Variants in NRXN3 observed in about 807,000 individuals in gnomAD.
NRXN3 encodes the protein neurexin III.
In NRXN3, 32 loss-of-function variants were observed where a neutral mutation model predicts 137.6. That is an observed-to-expected ratio of 0.23 (90% CI 0.18 to 0.31). NRXN3 has a LOEUF of 0.31. Among genes scored for constraint, NRXN3 ranks in the 10% least tolerant of loss-of-function variants. NRXN3 has a pLI of 1.00. For missense variants in NRXN3, 1,574 were observed against 2,062.5 expected (o/e 0.76, Z 4.59); for synonymous variants, 798 against 784.5 (o/e 1.02, Z -0.29).
At chr14:78,430,114 T>C (rs2153686358) in intron 4 of NRXN3, among the ~76,000 whole-genome samples, 1 of 152,262 alleles carries the variant, frequency 6.6e-6, no homozygotes, top group East Asian at 1.9e-4. Context: ...GTTGCACGTC[T>C]ACAGTCCCAG....
At chr14:78,739,867 G>A (rs2098556942) in intron 8 of NRXN3, among the ~76,000 whole-genome samples, 1 of 152,124 alleles carries the variant, frequency 6.6e-6, no homozygotes, top group African/African-American at 2.4e-5. Context: ...CTGTGGGTGT[G>A]GTAGGGGCCT....
intron 16 of NRXN3, among the ~76,000 whole-genome samples, chr14:79,529,171 A>G (rs1171113605): frequency 6.6e-6 from 1 of 152,128 alleles, no homozygotes; most frequent in African/African-American, 2.4e-5. Flanking sequence ...GTCCCTTTTA[A>G]TGGCTCACAA....
intron 10 of NRXN3, among the ~76,000 whole-genome samples, chr14:78,954,191 T>C (rs1567808046): frequency 6.6e-6 from 1 of 152,218 alleles, no homozygotes; most frequent in Non-Finnish European, 1.5e-5. Flanking sequence ...GATTTCCCGC[T>C]GAGTGTAAAC....
At chr14:78,838,657 A>G (rs1336497646) in intron 10 of NRXN3, among the ~76,000 whole-genome samples, 1 of 152,218 alleles carries the variant, frequency 6.6e-6, no homozygotes, top group African/African-American at 2.4e-5. Flanking sequence ...AATCTCCATT[A>G]GGATCACATT....
intron 16 of NRXN3, among the ~76,000 whole-genome samples, chr14:79,540,025 G>A (rs2097256904): frequency 6.6e-6 from 1 of 152,108 alleles, no homozygotes; most frequent in Non-Finnish European, 1.5e-5. Flanking sequence ...GAGAAGGAGA[G>A]GGAAAAAATT....
chr14:79,180,411 A>T (rs185537597), intron 15 of NRXN3, among the ~76,000 whole-genome samples: 85 of 152,348 alleles, frequency 5.6e-4, no homozygotes, highest in South Asian at 1.7e-3. Context: ...AAGTATTAGT[A>T]GGAAATATCT....
intron 6 of NRXN3, among the ~76,000 whole-genome samples, chr14:78,681,862 T>G (rs1030376858): frequency 1.3e-5 from 2 of 152,066 alleles, no homozygotes; most frequent in African/African-American, 4.8e-5. Flanking sequence ...TCGGTTTTGT[T>G]TTTTTTGTTG....
intron 4 of NRXN3, among the ~76,000 whole-genome samples, chr14:78,424,172 C>T (rs1327599816): frequency 3.3e-5 from 5 of 152,188 alleles, no homozygotes; most frequent in African/African-American, 4.8e-5. Context: ...ATTTTATCTC[C>T]TACGTTTTTG....
intron 19 of NRXN3, among the ~76,000 whole-genome samples, chr14:79,750,792 T>A (rs1327665399): frequency 6.6e-6 from 1 of 152,144 alleles, no homozygotes; most frequent in Non-Finnish European, 1.5e-5. Flanking sequence ...TTTGACTTTG[T>A]CATTGATACT....
At chr14:79,127,558 A>G (rs954593282) in intron 15 of NRXN3, among the ~76,000 whole-genome samples, 21 of 152,196 alleles carry the variant, frequency 1.4e-4, no homozygotes, top group African/African-American at 4.3e-4. Context: ...TACCAGTACC[A>G]TGCTGTTTTG....
intron 10 of NRXN3, among the ~76,000 whole-genome samples, chr14:78,885,082 G>A (rs1380570973): frequency 1.3e-5 from 2 of 150,582 alleles, no homozygotes; most frequent in East Asian, 3.9e-4. Flanking sequence ...AAAATATAAT[G>A]CAGTGAGTTT....
At chr14:79,381,707 TAAAC>T (rs1388733459) in intron 15 of NRXN3, among the ~76,000 whole-genome samples, 2 of 152,164 alleles carry the variant, frequency 1.3e-5, no homozygotes, top group Non-Finnish European at 2.9e-5. Context: ...AACATCCAGA[TAAAC>T]AAATAATCAC....
intron 20 of NRXN3, among the ~76,000 whole-genome samples, chr14:79,847,249 C>G (rs368153818): frequency 3.3e-5 from 5 of 152,316 alleles, no homozygotes; most frequent in South Asian, 4.1e-4. Flanking sequence ...CAATCTCCAT[C>G]TCCACACCCT....
At chr14:79,036,407 T>G (rs2099616061) in intron 15 of NRXN3, among the ~76,000 whole-genome samples, 1 of 151,958 alleles carries the variant, frequency 6.6e-6, no homozygotes, top group Non-Finnish European at 1.5e-5. Context: ...TATGTAGACT[T>G]GCGTGAGGGG....
At chr14:78,393,282 C>A (rs564943355) in intron 4 of NRXN3, among the ~76,000 whole-genome samples, 11 of 151,906 alleles carry the variant, frequency 7.2e-5, no homozygotes, top group African/African-American at 2.4e-4. Flanking sequence ...ATCCCAAGTA[C>A]ACTTTATACA....
At chr14:78,442,555 C>T (rs2094294354) in intron 4 of NRXN3, among the ~76,000 whole-genome samples, 1 of 152,202 alleles carries the variant, frequency 6.6e-6, no homozygotes, top group South Asian at 2.1e-4. Flanking sequence ...CAATTTGTTA[C>T]AGTAGCCCTA....
At chr14:78,742,446 A>G (rs984467612) in intron 8 of NRXN3, among the ~76,000 whole-genome samples, 7 of 152,268 alleles carry the variant, frequency 4.6e-5, no homozygotes, top group Admixed American at 2.6e-4. Context: ...GATTATAAAT[A>G]AGAAAGGGAA....
chr14:79,361,683 C>T (rs1326745194), intron 15 of NRXN3, among the ~76,000 whole-genome samples: 1 of 152,144 alleles, frequency 6.6e-6, no homozygotes, highest in Non-Finnish European at 1.5e-5. Flanking sequence ...CGCCACGGCA[C>T]TCCAGTCTGG....
intron 15 of NRXN3, among the ~76,000 whole-genome samples, chr14:79,316,847 G>A (rs2088867523): frequency 6.6e-6 from 1 of 151,824 alleles, no homozygotes. Flanking sequence ...CATTTCCTAG[G>A]AATGCCATAA....
Sources: gnomAD v4.1 joint callset for allele counts (sites outside exome capture counted in the v4.1 genomes callset) on GRCh38, gnomAD v4.1.1 for gene constraint, MANE v1.5 for transcripts, NCBI Gene and HGNC (gene_info 2026-07-23, HGNC 2026-07-21) for gene names.